Variants in ASTN2 observed in about 807,000 individuals in gnomAD.
The protein encoded by ASTN2 is astrotactin 2, also known as astrotactin-2.
In ASTN2, 54 loss-of-function variants were observed where a neutral mutation model predicts 139.8. The ratio of observed to expected loss-of-function variants is 0.39; its 90% CI spans 0.31 to 0.48. The LOEUF is 0.48. Among genes scored for constraint, ASTN2 ranks in the 20% least tolerant of loss-of-function variants. The probability of loss-of-function intolerance (pLI) is 0.95; values close to 1 mark genes in which losing one functional copy is unlikely to be tolerated. For missense variants in ASTN2, 1,565 were observed against 1,725.1 expected (o/e 0.91, Z 1.64); for synonymous variants, 756 against 719.5 (o/e 1.05, Z -0.81).
intron 13 of ASTN2, among the ~76,000 whole-genome samples, chr9:116,769,468 A>C (rs1379992867): frequency 2.0e-5 from 3 of 152,166 alleles, no homozygotes; most frequent in African/African-American, 7.2e-5. Flanking sequence ...GTGGTAGCTA[A>C]AGGCAAATGA....
At chr9:117,070,415 C>T (rs1376005399) in intron 5 of ASTN2, among the ~76,000 whole-genome samples, 1 of 73,460 alleles carries the variant, frequency 1.4e-5, no homozygotes, top group Admixed American at 1.5e-4. Flanking sequence ...GAGGGTAACC[C>T]GACCTTTCTC....
intron 16 of ASTN2, among the ~76,000 whole-genome samples, chr9:116,681,798 G>T (rs1859884527): frequency 6.6e-6 from 1 of 151,990 alleles, no homozygotes; most frequent in Non-Finnish European, 1.5e-5. Context: ...TTAATAAATG[G>T]TGCTGGGAAA....
chr9:117,327,135 T>C (rs1828542294), intron 1 of ASTN2, among the ~76,000 whole-genome samples: 1 of 152,144 alleles, frequency 6.6e-6, no homozygotes, highest in African/African-American at 2.4e-5. Flanking sequence ...CGTGCTCCTA[T>C]GCATATCTAA....
At position 117,008,196 on chromosome 9, in the gene ASTN2, T is replaced by C. The variant is rs759829800; in HGVS notation, c.1487A>G (p.Lys496Arg). The change falls in exon 7 of 23, where the codon AAG becomes AGG. Residue 496 changes from lysine to arginine, a missense_variant. This residue lies in a region of ASTN2 where 503 missense variants were observed against 591.7 expected (regional missense o/e 0.85). Coordinates refer to ENST00000313400, the MANE Select transcript of ASTN2 (RefSeq NM_001365068.1). ...ATTGATCTGGTAATACAGGGAAAGC[T>C]TGGCCGGGTTTAACCAGTCGGAGAT... ...LDISDWLNPA[K>R]LSLYYQINAT... 4.3e-6 allele frequency: 7 copies of C among 1,612,250 alleles called. No homozygotes were observed. In the South Asian group the frequency reaches 7.7e-5, roughly 18 times the overall value.
chr9:117,085,502 G>T (rs766160396), intron 5 of ASTN2, among the ~76,000 whole-genome samples: 1 of 152,294 alleles, frequency 6.6e-6, no homozygotes, highest in Non-Finnish European at 1.5e-5. Flanking sequence ...GGGATGGGCT[G>T]GTCCCTGCAC....
At chr9:116,855,997 T>C (rs763332045) in intron 11 of ASTN2, among the ~76,000 whole-genome samples, 5 of 152,166 alleles carry the variant, frequency 3.3e-5, no homozygotes, top group South Asian at 2.1e-4. Flanking sequence ...TCAATACATA[T>C]AGAGAATTCT....
chr9:117,029,359 C>T (rs1838184152), intron 6 of ASTN2, among the ~76,000 whole-genome samples: 1 of 152,108 alleles, frequency 6.6e-6, no homozygotes, highest in Non-Finnish European at 1.5e-5. Context: ...CATGCCCCTC[C>T]CTGGGAAGCC....
chr9:116,458,325 C>T (rs916874035), intron 20 of ASTN2, among the ~76,000 whole-genome samples: 2 of 151,136 alleles, frequency 1.3e-5, no homozygotes, highest in Admixed American at 1.3e-4. Context: ...TGACTACAGT[C>T]AACAATTTAC....
chr9:117,048,760 C>A (rs1480268135), intron 5 of ASTN2, among the ~76,000 whole-genome samples: 1 of 151,994 alleles, frequency 6.6e-6, no homozygotes, highest in African/African-American at 2.4e-5. Context: ...GCTGTTATCC[C>A]CAATAGACAA....
At chr9:116,504,219 A>G (rs1850009307) in intron 19 of ASTN2, 1 of 152,182 alleles carries the variant, frequency 6.6e-6, no homozygotes, top group Admixed American at 6.5e-5. Flanking sequence ...AAGACACTTG[A>G]TCAATGATTA....
At chr9:117,358,931 C>G (rs528586164) in intron 1 of ASTN2, among the ~76,000 whole-genome samples, 1 of 152,214 alleles carries the variant, frequency 6.6e-6, no homozygotes, top group Admixed American at 6.5e-5. Context: ...TCACCTCTCA[C>G]TAGCTTCTTC....
chr9:116,572,501 G>A (rs1235822380), intron 19 of ASTN2, among the ~76,000 whole-genome samples: 1 of 152,320 alleles, frequency 6.6e-6, no homozygotes, highest in East Asian at 1.9e-4. Flanking sequence ...GAGATGTTTT[G>A]GAGAATGAAA....
chr9:116,720,734 T>G lies in ASTN2; in HGVS notation c.2806+5037A>C, dbSNP rs560643221. ...AGAAGCAATTAAAAATTCAAAAAAC[T>G]TATTATATTTCTAATTCCTGCATCT... On this transcript the variant is annotated intron_variant, in intron 16 of 22. Coordinates refer to ENST00000313400, the MANE Select transcript of ASTN2 (RefSeq NM_001365068.1). Among the ~76,000 whole-genome samples the G allele has an allele frequency of 3.3e-5, 5 of 152,248 alleles. No individual in the cohort carries two copies. The South Asian group carries it at 1.0e-3, about 32-fold the overall frequency.
At chr9:116,729,307 T>C (rs41313297) in intron 14 of ASTN2, among the ~76,000 whole-genome samples, 3,423 of 152,288 alleles carry the variant, frequency 0.022, 53 homozygotes, top group Middle Eastern at 0.085. Context: ...GCTCTATAGC[T>C]TGCAAGTCCC....
At chr9:116,758,396 C>T (rs1461180628) in intron 13 of ASTN2, among the ~76,000 whole-genome samples, 1 of 152,140 alleles carries the variant, frequency 6.6e-6, no homozygotes, top group Non-Finnish European at 1.5e-5. Context: ...ACAGGACAGA[C>T]ATGTGCCAGC....
intron 10 of ASTN2, among the ~76,000 whole-genome samples, chr9:116,885,822 T>C (rs115337384): frequency 8.8e-4 from 134 of 152,352 alleles, no homozygotes; most frequent in African/African-American, 3.1e-3. Flanking sequence ...TTTCTGTATG[T>C]TCAATAAGGC....
intron 3 of ASTN2, among the ~76,000 whole-genome samples, chr9:117,191,342 T>C (rs990975568): frequency 2.0e-5 from 3 of 151,200 alleles, no homozygotes; most frequent in African/African-American, 7.3e-5. Context: ...TAAATAAAAA[T>C]GCAAGATAGA....
At chr9:116,816,343 G>T (rs899302453) in intron 12 of ASTN2, among the ~76,000 whole-genome samples, 2 of 152,140 alleles carry the variant, frequency 1.3e-5, no homozygotes, top group Admixed American at 1.3e-4. Flanking sequence ...TTAGCTTAGT[G>T]TCCAATGACC....
intron 17 of ASTN2, among the ~76,000 whole-genome samples, chr9:116,631,462 C>T (rs766953626): frequency 1.1e-4 from 16 of 151,992 alleles, no homozygotes; most frequent in Non-Finnish European, 2.2e-4. Context: ...AATAAGCCAG[C>T]TACAGAAAGA....
Sources: gnomAD v4.1 joint callset for allele counts (sites outside exome capture counted in the v4.1 genomes callset) on GRCh38, gnomAD v4.1.1 for gene constraint, gnomAD v4.1.1 regional missense constraint, MANE v1.5 for transcripts, NCBI Gene and HGNC (gene_info 2026-07-23, HGNC 2026-07-21) for gene names.